Variants in SH3BP2 observed in about 807,000 individuals in gnomAD.
The protein encoded by SH3BP2 is SH3 domain binding protein 2.
A neutral mutation model predicts 56.2 loss-of-function variants in SH3BP2; 38 were observed. That is an observed-to-expected ratio of 0.68 (90% confidence interval 0.52 to 0.89). SH3BP2 has a LOEUF of 0.89. Ranked by LOEUF, SH3BP2 falls within the 40% of genes least tolerant of loss-of-function variation. The probability of loss-of-function intolerance (pLI) is 0.00; values close to 1 mark genes in which losing one functional copy is unlikely to be tolerated. For missense variants in SH3BP2, 748 were observed against 762.6 expected, an observed-to-expected ratio of 0.98 and a Z score of 0.23; for synonymous variants, 346 against 316.7, an observed-to-expected ratio of 1.09 and a Z score of -0.98.
At position 2,839,372 on chromosome 4, in the gene SH3BP2, G is replaced by A. The variant is rs1008856655; in HGVS notation, c.*5538G>A. The A allele has an allele frequency of 1.4e-4, 22 of 152,010 alleles. No homozygotes were observed. The highest frequency in any genetic ancestry group is 5.1e-4 in the African/African-American group (21 of 41,388). The allele number at this position is 152,010 out of a possible 1,614,324, so 9.4% of individuals were successfully genotyped here. ...TTTAAGTAGAGACGGGTTTCATCAT[G>A]TTATGCAGGCTGCTCTCAAACTCTT... On this transcript the variant is annotated 3_prime_UTR_variant, in exon 13 of 13. Coordinates refer to ENST00000503393, the MANE Select transcript of SH3BP2 (RefSeq NM_001122681.2).
intron 2 of SH3BP2, 51 bp downstream of exon 2, chr4:2,820,804 C>G: frequency 6.4e-7 from 1 of 1,558,216 alleles, no homozygotes; most frequent in South Asian, 1.1e-5. Context: ...GGGGGCAGGG[C>G]TAGCCATGTA....
rs1050622892 is a variant in SH3BP2 at position 2,834,111 on chromosome 4, T to C, written c.*277T>C. 14 of 448,424 alleles carry C rather than the reference T, an allele frequency of 3.1e-5. No individual in the cohort carries two copies. The highest frequency in any genetic ancestry group is 2.9e-4 in the Admixed American group (8 of 27,796). 27.8% of individuals were successfully genotyped at this position (448,424 alleles called of 1,614,324 possible). A position where few individuals can be genotyped will look rare whatever the true frequency, so the allele number is the denominator to read the frequency against. ...CAGAAACCCAGGACCAAGCTGTGCC[T>C]GGGCTCCAAGGACAGGAACACTGGT... On this transcript the variant is annotated 3_prime_UTR_variant, in exon 13 of 13. Coordinates refer to ENST00000503393, the MANE Select transcript of SH3BP2 (RefSeq NM_001122681.2).
chr4:2,812,476 A>C, intron 1 of SH3BP2: 1 of 1,549,234 alleles, frequency 6.5e-7, no homozygotes, highest in Non-Finnish European at 8.7e-7. Context: ...CAGCACCATC[A>C]GGTCAGTGGG....
chr4:2,832,028 C>T (rs745920588), intron 10 of SH3BP2, 50 bp downstream of exon 10: 7 of 1,583,986 alleles, frequency 4.4e-6, no homozygotes, highest in Non-Finnish European at 5.2e-6. Context: ...GCCCGGCTTC[C>T]TGCTTCTGTG....
chr4:2,815,275 G>T (rs1723946458), intron 1 of SH3BP2, among the ~76,000 whole-genome samples: 1 of 152,218 alleles, frequency 6.6e-6, no homozygotes, highest in South Asian at 2.1e-4. Context: ...AGGTGGCAGG[G>T]GTGGGTTTCC....
intron 3 of SH3BP2, 41 bp downstream of exon 3, chr4:2,823,078 C>A: frequency 1.4e-6 from 2 of 1,401,828 alleles, no homozygotes; most frequent in African/African-American, 1.4e-5. Flanking sequence ...GCCCCCACAG[C>A]CAGCGGGTCC....
chr4:2,828,364 A>C (rs1328448973), intron 7 of SH3BP2, among the ~76,000 whole-genome samples: 1 of 150,916 alleles, frequency 6.6e-6, no homozygotes, highest in East Asian at 1.9e-4. Flanking sequence ...CCAGCCCCTG[A>C]CCCCGTATCC....
Position 2,831,723 on chromosome 4 carries a change from G to A in SH3BP2, c.1350+44G>A. On this transcript the variant is annotated intron_variant, in intron 9 of 12. Transcript: ENST00000503393. This position sits in a 1 kb window ranked among gnomAD's most constrained non-coding sequence, Gnocchi z 4.1. ...CCTGGGTCCCAGTGGCCAGTAGGTGGACAGGTGGTGGGAAAGCCATAGGCC... is the reference window on the plus strand; with the variant it reads ...CCTGGGTCCCAGTGGCCAGTAGGTGAACAGGTGGTGGGAAAGCCATAGGCC... 1 of 1,506,920 alleles carries A rather than the reference G, an allele frequency of 6.6e-7. No homozygotes were observed. Among genetic ancestry groups the A allele is most frequent in the Non-Finnish European group, 9.1e-7 (1 of 1,100,508 alleles). The allele number at this position is 1,506,920 out of a possible 1,614,324, so 93.3% of individuals were successfully genotyped here. A position where few individuals can be genotyped will look rare whatever the true frequency, so the allele number is the denominator to read the frequency against.
chr4:2,794,416 C>G (rs1722996356), intron 1 of SH3BP2, among the ~76,000 whole-genome samples: 1 of 108,980 alleles, frequency 9.2e-6, no homozygotes, highest in South Asian at 2.8e-4. Flanking sequence ...GAAGGGCCCT[C>G]TTGGAGCCCA....
At chr4:2,819,745 C>G (rs1217792487) in intron 1 of SH3BP2, among the ~76,000 whole-genome samples, 2 of 151,992 alleles carry the variant, frequency 1.3e-5, no homozygotes, top group African/African-American at 2.4e-5. Context: ...TAACCTGGGT[C>G]TTGATGGATG....
intron 1 of SH3BP2, chr4:2,818,964 C>A: frequency 1.1e-6 from 1 of 931,254 alleles, no homozygotes. Context: ...ATTTTAGCTC[C>A]AGCTCAGTTG....
At chr4:2,833,281 C>G (rs1038322792) in intron 12 of SH3BP2, 1 of 612,180 alleles carries the variant, frequency 1.6e-6, no homozygotes, top group Non-Finnish European at 2.9e-6. Flanking sequence ...GGCGGTCAGC[C>G]ATAGACCCTG....
At chr4:2,822,788 G>A (rs1724378739) in intron 2 of SH3BP2, 147 bp from the exon 3 acceptor site, 3 of 686,944 alleles carry the variant, frequency 4.4e-6, no homozygotes, top group Non-Finnish European at 7.9e-6. Context: ...GGAGGGGGCA[G>A]CATGCCAGCC....
chr4:2,818,083 G>T, intron 1 of SH3BP2: 2 of 383,752 alleles, frequency 5.2e-6, no homozygotes, highest in Non-Finnish European at 3.6e-6. Context: ...ACTGAGGCCC[G>T]CAGGGGGCTC....
chr4:2,800,435 C>A (rs1326851810), intron 1 of SH3BP2, among the ~76,000 whole-genome samples: 1 of 152,190 alleles, frequency 6.6e-6, no homozygotes, highest in Non-Finnish European at 1.5e-5. Context: ...GTGGCTGCTT[C>A]CCAGCCAGGA....
chr4:2,816,461 C>T (rs556878384), intron 1 of SH3BP2, among the ~76,000 whole-genome samples: 1 of 152,346 alleles, frequency 6.6e-6, no homozygotes, highest in Non-Finnish European at 1.5e-5. Context: ...TGCCTAATTA[C>T]TCTGGTGAGA....
chr4:2,800,622 C>T (rs1046520689), intron 1 of SH3BP2, among the ~76,000 whole-genome samples: 21 of 152,086 alleles, frequency 1.4e-4, no homozygotes, highest in African/African-American at 3.6e-4. Context: ...CTCGGGCTCC[C>T]GTGCCAGGGG....
At chr4:2,832,175 G>T (rs1022092189) in intron 10 of SH3BP2, 156 bp from the exon 11 acceptor site, 24 of 957,998 alleles carry the variant, frequency 2.5e-5, no homozygotes, top group Non-Finnish European at 4.0e-5. Flanking sequence ...GCTCTGCTGG[G>T]CTGCTTCTGT....
rs1438031858 is a variant in SH3BP2 at position 2,825,206 on chromosome 4, G to A, written c.428+10G>A. The A allele has an allele frequency of 4.5e-6, 7 of 1,571,354 alleles. No homozygotes were observed. The East Asian group carries it at 1.7e-4, about 37-fold the overall frequency. ...TGCCCTTGGACACCAGGTGAGCCCG[G>A]GCCCAGGGCATACCGGGCAGTGAGG... On this transcript the variant is annotated intron_variant, in intron 5 of 12. Coordinates refer to ENST00000503393, the MANE Select transcript of SH3BP2 (RefSeq NM_001122681.2).
Sources: gnomAD v4.1 joint callset for allele counts (sites outside exome capture counted in the v4.1 genomes callset) on GRCh38, gnomAD v4.1.1 for gene constraint, Gnocchi (gnomAD v3.1) non-coding constraint, MANE v1.5 for transcripts, NCBI Gene and HGNC (gene_info 2026-07-23, HGNC 2026-07-21) for gene names.